Variants in PTPRD observed in about 807,000 individuals in gnomAD.
PTPRD encodes the protein receptor-type tyrosine-protein phosphatase delta.
Under a neutral mutation model 214.5 loss-of-function variants are expected in PTPRD, and 34 were observed. The observed-to-expected ratio is 0.16, with a 90% CI of 0.12 to 0.21. The LOEUF (loss-of-function observed/expected upper bound fraction) is 0.21. Among genes scored for constraint, PTPRD ranks in the 10% least tolerant of loss-of-function variants. The pLI is 1.00. For missense variants in PTPRD, 2,545 were observed against 2,398.7 expected, an observed-to-expected ratio of 1.06 and a Z score of -1.27; for synonymous variants, 1,128 against 845.7, an observed-to-expected ratio of 1.33 and a Z score of -5.79.
chr9:9,311,574 C>G (rs1467890253), intron 9 of PTPRD, among the ~76,000 whole-genome samples: 1 of 152,126 alleles, frequency 6.6e-6, no homozygotes, highest in Non-Finnish European at 1.5e-5. Flanking sequence ...AGGTTATTAT[C>G]ATTTTGCTTA....
intron 21 of PTPRD, among the ~76,000 whole-genome samples, chr9:8,512,487 T>C (rs973714818): frequency 1.3e-5 from 2 of 152,056 alleles, no homozygotes; most frequent in Non-Finnish European, 2.9e-5. Flanking sequence ...TTTGCTTGTA[T>C]AGGCCTGTTG....
chr9:8,869,185 C>T (rs116246972), intron 11 of PTPRD, among the ~76,000 whole-genome samples: 417 of 152,260 alleles, frequency 2.7e-3, no homozygotes, highest in African/African-American at 9.7e-3. Context: ...TCAGGAACAA[C>T]AAAACTACTA....
intron 8 of PTPRD, among the ~76,000 whole-genome samples, chr9:9,487,035 C>A (rs1315882475): frequency 6.6e-6 from 1 of 152,058 alleles, no homozygotes; most frequent in Admixed American, 6.6e-5. Context: ...TAAAATAGAG[C>A]AAACCAGTCA....
intron 2 of PTPRD, among the ~76,000 whole-genome samples, chr9:10,480,525 A>AT (rs1278463054): frequency 1.3e-5 from 2 of 152,074 alleles, no homozygotes; most frequent in Non-Finnish European, 2.9e-5. Context: ...AAAGCAAGAC[A>AT]TTTTTTATAA....
chr9:8,935,680 C>G (rs927990143), intron 11 of PTPRD, among the ~76,000 whole-genome samples: 1 of 152,116 alleles, frequency 6.6e-6, no homozygotes, highest in African/African-American at 2.4e-5. Flanking sequence ...CTGGGGAAGG[C>G]CCCCCACAGT....
chr9:8,318,212 C>G (rs1310302471), intron 45 of PTPRD, among the ~76,000 whole-genome samples: 1 of 151,916 alleles, frequency 6.6e-6, no homozygotes, highest in Admixed American at 6.6e-5. Flanking sequence ...CCTTCCCAGA[C>G]AAGTGTTTTC....
chr9:8,618,906 G>GTTTT (rs1270022921), intron 14 of PTPRD, among the ~76,000 whole-genome samples: 13 of 96,774 alleles, frequency 1.3e-4, no homozygotes, highest in African/African-American at 4.7e-4. Flanking sequence ...GTTTGTCTGT[G>GTTTT]TTTTTTTGTT....
At chr9:10,350,053 T>A (rs1383119625) in intron 2 of PTPRD, among the ~76,000 whole-genome samples, 1 of 152,204 alleles carries the variant, frequency 6.6e-6, no homozygotes, top group East Asian at 1.9e-4. Flanking sequence ...ACAATATAAG[T>A]TCACAGACTA....
At chr9:9,153,310 T>C (rs1025431701) in intron 10 of PTPRD, among the ~76,000 whole-genome samples, 4 of 152,210 alleles carry the variant, frequency 2.6e-5, no homozygotes, top group Admixed American at 1.3e-4. Flanking sequence ...AAGGTAGTTA[T>C]AGTTAGCCAA....
At position 8,919,931 on chromosome 9, in the gene PTPRD, C is replaced by T. The variant is rs146039386; in HGVS notation, c.-104+98766G>A. ...ATGCATAAGTGGATGCATGTGCATG[C>T]ATGTATGCATGTACACATGTATGTA... On this transcript the variant is annotated intron_variant, in intron 11 of 45. Coordinates refer to ENST00000381196, the MANE Select transcript of PTPRD (RefSeq NM_002839.4). Among the ~76,000 whole-genome samples the T allele has an allele frequency of 1.0e-3, 132 of 129,082 alleles. 2 individuals carry two copies. Among genetic ancestry groups the T allele is most frequent in the Middle Eastern group, 3.8e-3 (1 of 266 alleles). The allele number at this position is 129,082 out of a possible 152,430, so 84.7% of individuals were successfully genotyped here.
intron 8 of PTPRD, among the ~76,000 whole-genome samples, chr9:9,492,776 A>C (rs2095975622): frequency 6.6e-6 from 1 of 151,416 alleles, no homozygotes; most frequent in Admixed American, 6.6e-5. Flanking sequence ...CAAGTCTATA[A>C]ATGCCATTTT....
At chr9:9,863,497 C>T (rs1381489122) in intron 5 of PTPRD, among the ~76,000 whole-genome samples, 1 of 152,080 alleles carries the variant, frequency 6.6e-6, no homozygotes, top group East Asian at 1.9e-4. Context: ...AGCAACTAAA[C>T]AATTTGGGGG....
chr9:9,042,312 G>A (rs976633933), intron 10 of PTPRD, among the ~76,000 whole-genome samples: 12 of 152,110 alleles, frequency 7.9e-5, no homozygotes, highest in African/African-American at 2.9e-4. Context: ...GATGGGTTCC[G>A]GCAAGATCAA....
chr9:9,947,512 AAT>A lies in PTPRD; in HGVS notation c.-471-8904_-471-8903del, dbSNP rs1235544921. Among the ~76,000 whole-genome samples, 52 of 35,220 alleles carry A rather than the reference AAT, an allele frequency of 1.5e-3. 1 individual carries two copies. Among genetic ancestry groups the A allele is most frequent in the African/African-American group, 5.5e-3 (41 of 7,502 alleles). The allele number at this position is 35,220 out of a possible 152,430, so 23.1% of individuals were successfully genotyped here. A position where few individuals can be genotyped will look rare whatever the true frequency, so the allele number is the denominator to read the frequency against. On this transcript the variant is annotated intron_variant, in intron 4 of 45. Coordinates refer to ENST00000381196, the MANE Select transcript of PTPRD (RefSeq NM_002839.4). ...TATATTATATATATTTTATATATAT[AAT>A]ATATATATTATATATATTTTATATA...
intron 35 of PTPRD, among the ~76,000 whole-genome samples, chr9:8,418,388 C>A (rs2094109776): frequency 1.3e-5 from 2 of 152,024 alleles, no homozygotes; most frequent in Non-Finnish European, 2.9e-5. Context: ...CTACGTTTAG[C>A]CTTGTAGCAT....
chr9:9,727,491 T>C (rs982893163), intron 7 of PTPRD, among the ~76,000 whole-genome samples: 42 of 152,128 alleles, frequency 2.8e-4, no homozygotes, highest in Non-Finnish European at 5.3e-4. Context: ...AAAGCATTCA[T>C]AAATATTTTA....
chr9:9,475,300 T>C (rs1352763918), intron 8 of PTPRD, among the ~76,000 whole-genome samples: 2 of 152,114 alleles, frequency 1.3e-5, no homozygotes, highest in African/African-American at 4.8e-5. Flanking sequence ...CCAAAACCAA[T>C]ACTAGAATGT....
At chr9:8,708,459 G>C (rs1294313612) in intron 12 of PTPRD, among the ~76,000 whole-genome samples, 1 of 151,696 alleles carries the variant, frequency 6.6e-6, no homozygotes, top group African/African-American at 2.4e-5. Flanking sequence ...GGATCACCTA[G>C]GGTCAGGAGT....
At chr9:8,897,534 T>C (rs1307897882) in intron 11 of PTPRD, among the ~76,000 whole-genome samples, 1 of 152,174 alleles carries the variant, frequency 6.6e-6, no homozygotes, top group Non-Finnish European at 1.5e-5. Context: ...TAGAGAGTTT[T>C]GATATCCCCA....
Sources: gnomAD v4.1 joint callset for allele counts (sites outside exome capture counted in the v4.1 genomes callset) on GRCh38, gnomAD v4.1.1 for gene constraint, MANE v1.5 for transcripts, NCBI Gene and HGNC (gene_info 2026-07-23, HGNC 2026-07-21) for gene names.